PRKCE: variants seen among roughly 807,000 people sequenced by gnomAD.
PRKCE encodes protein kinase C epsilon type.
In PRKCE, 16 loss-of-function variants were observed where a neutral mutation model predicts 85.4. The ratio of observed to expected loss-of-function variants is 0.19; its 90% CI spans 0.13 to 0.28. PRKCE has a LOEUF of 0.28. Among genes scored for constraint, PRKCE ranks in the 10% least tolerant of loss-of-function variants. The pLI, the probability that PRKCE is intolerant of heterozygous loss-of-function variation, is 1.00. For missense variants in PRKCE, 573 were observed against 975.2 expected, an observed-to-expected ratio of 0.59 and a Z score of 5.49; for synonymous variants, 388 against 371.5, an observed-to-expected ratio of 1.04 and a Z score of -0.51.
At chr2:45,778,008 C>T (rs1025859178) in intron 1 of PRKCE, among the ~76,000 whole-genome samples, 12 of 150,506 alleles carry the variant, frequency 8.0e-5, no homozygotes, top group African/African-American at 2.2e-4. Context: ...CAGGGCTGTG[C>T]AGAGAAAACC....
At chr2:46,038,031 G>A (rs184261016) in intron 10 of PRKCE, among the ~76,000 whole-genome samples, 28 of 152,144 alleles carry the variant, frequency 1.8e-4, no homozygotes, top group African/African-American at 5.6e-4. Context: ...CAAGCTCCTG[G>A]CACAGCAACT....
chr2:45,747,825 T>A (rs1287211626), intron 1 of PRKCE, among the ~76,000 whole-genome samples: 4 of 152,214 alleles, frequency 2.6e-5, no homozygotes, highest in African/African-American at 9.6e-5. Flanking sequence ...CCACTGACAA[T>A]GCACAAGGGT....
At chr2:46,166,166 G>A (rs976443718) in intron 14 of PRKCE, among the ~76,000 whole-genome samples, 5 of 152,208 alleles carry the variant, frequency 3.3e-5, no homozygotes, top group African/African-American at 1.2e-4. Flanking sequence ...GTGGGCTCGA[G>A]ACCCGCACAC....
chr2:45,739,036 G>A (rs895914936), intron 1 of PRKCE, among the ~76,000 whole-genome samples: 1 of 152,246 alleles, frequency 6.6e-6, no homozygotes, highest in Non-Finnish European at 1.5e-5. Context: ...TCATATTGCT[G>A]TCATTGTCCC....
intron 4 of PRKCE, 150 bp from the exon 5 acceptor site, chr2:45,980,146 A>G (rs1283505492): frequency 4.8e-6 from 3 of 628,418 alleles, no homozygotes; most frequent in Admixed American, 2.9e-5. Context: ...AAATAGCTGT[A>G]TAAAAGACTT....
At chr2:46,134,019 G>C (rs1050119039) in intron 11 of PRKCE, among the ~76,000 whole-genome samples, 1 of 152,208 alleles carries the variant, frequency 6.6e-6, no homozygotes, top group Non-Finnish European at 1.5e-5. Context: ...GGGAGAATGG[G>C]TTGGAGAGTG....
At chr2:46,020,264 C>T (rs1182171510) in intron 10 of PRKCE, among the ~76,000 whole-genome samples, 2 of 152,140 alleles carry the variant, frequency 1.3e-5, no homozygotes, top group Non-Finnish European at 2.9e-5. Context: ...GATGTACACG[C>T]ACCACCTACT....
chr2:45,835,924 C>T (rs1328724370), intron 1 of PRKCE, among the ~76,000 whole-genome samples: 1 of 152,118 alleles, frequency 6.6e-6, no homozygotes, highest in African/African-American at 2.4e-5. Flanking sequence ...AAGTAACATT[C>T]CATTACATGG....
chr2:45,946,449 C>T (rs1700250530), intron 2 of PRKCE, among the ~76,000 whole-genome samples: 1 of 152,206 alleles, frequency 6.6e-6, no homozygotes, highest in South Asian at 2.1e-4. Flanking sequence ...ACAATGGAAA[C>T]ATCTGTCTAT....
chr2:45,758,250 C>T (rs547699554), intron 1 of PRKCE, among the ~76,000 whole-genome samples: 2 of 152,270 alleles, frequency 1.3e-5, no homozygotes, highest in African/African-American at 2.4e-5. Flanking sequence ...GTAATACATA[C>T]CTCATGATGT....
chr2:46,069,151 T>C lies in PRKCE; in HGVS notation c.1438-17057T>C, dbSNP rs190518603. 6.7e-3 allele frequency among the ~76,000 whole-genome samples: 1,024 copies of C among 152,300 alleles called. 10 individuals are homozygous for C. The highest frequency in any genetic ancestry group is 0.023 in the African/African-American group (968 of 41,566). ...TTGAAGATGCTTTGAAGAGGAGAAGTGGCATGTCTTCTAGTGAGCAGACAG... is the reference window on the plus strand; with the variant it reads ...TTGAAGATGCTTTGAAGAGGAGAAGCGGCATGTCTTCTAGTGAGCAGACAG... On this transcript the variant is annotated intron_variant, in intron 10 of 14. Coordinates refer to ENST00000306156, the MANE Select transcript of PRKCE (RefSeq NM_005400.3).
intron 14 of PRKCE, among the ~76,000 whole-genome samples, chr2:46,163,525 G>A (rs1677988608): frequency 8.9e-6 from 1 of 112,518 alleles, no homozygotes; most frequent in African/African-American, 3.6e-5. Flanking sequence ...GAGACACGGG[G>A]AAGCTGAGGC....
chr2:45,794,067 G>A (rs1687228314), intron 1 of PRKCE, among the ~76,000 whole-genome samples: 1 of 152,184 alleles, frequency 6.6e-6, no homozygotes, highest in Admixed American at 6.5e-5. Flanking sequence ...CAGCCGCCCT[G>A]GGACCCCAGC....
At chr2:45,911,531 A>T (rs1298150613) in intron 2 of PRKCE, among the ~76,000 whole-genome samples, 1 of 152,212 alleles carries the variant, frequency 6.6e-6, no homozygotes, top group African/African-American at 2.4e-5. Flanking sequence ...TAGAGACCAG[A>T]TGAGAAATTG....
intron 2 of PRKCE, among the ~76,000 whole-genome samples, chr2:45,958,884 A>G (rs1300980340): frequency 3.4e-5 from 4 of 118,466 alleles, no homozygotes; most frequent in African/African-American, 1.0e-4. Flanking sequence ...TCACATTCCA[A>G]CAGGAAATGT....
chr2:45,932,201 T>G (rs552172648), intron 2 of PRKCE, among the ~76,000 whole-genome samples: 56 of 152,360 alleles, frequency 3.7e-4, no homozygotes, highest in African/African-American at 1.3e-3. Context: ...CTGTTGTGTC[T>G]GGTTTTTCAT....
At chr2:45,789,592 C>T (rs963076124) in intron 1 of PRKCE, among the ~76,000 whole-genome samples, 2 of 152,152 alleles carry the variant, frequency 1.3e-5, no homozygotes, top group African/African-American at 4.8e-5. Flanking sequence ...GATCATGCCA[C>T]TGCACTCCAG....
intron 1 of PRKCE, among the ~76,000 whole-genome samples, chr2:45,795,906 A>T (rs975775742): frequency 4.6e-5 from 7 of 152,236 alleles, no homozygotes; most frequent in Non-Finnish European, 1.0e-4. Flanking sequence ...CACTCCACCC[A>T]GGCTTGACAG....
chr2:45,741,749 T>G (rs1682594937), intron 1 of PRKCE, among the ~76,000 whole-genome samples: 1 of 150,920 alleles, frequency 6.6e-6, no homozygotes, highest in African/African-American at 2.5e-5. Context: ...GTACAGCCTG[T>G]GCTGGATTAC....
Sources: allele counts gnomAD v4.1 joint callset (sites outside exome capture counted in the v4.1 genomes callset), GRCh38; gene constraint gnomAD v4.1.1; transcripts MANE v1.5; gene names NCBI Gene and HGNC (gene_info 2026-07-23, HGNC 2026-07-21).